The following MPPED2 variants were observed in gnomAD, a reference collection of about 807,000 sequenced individuals.
MPPED2 encodes the protein metallophosphoesterase MPPED2.
A neutral mutation model predicts 33.0 loss-of-function variants in MPPED2; 5 were observed. The observed-to-expected ratio is 0.15, with a 90% CI of 0.08 to 0.32. The LOEUF (loss-of-function observed/expected upper bound fraction) is 0.32, where lower values mean the gene tolerates loss of function less well. Among genes scored for constraint, MPPED2 ranks in the 10% least tolerant of loss-of-function variants. MPPED2 has a pLI of 1.00. For synonymous variants in MPPED2, 136 were observed against 141.9 expected (o/e 0.96, Z 0.29); for missense variants, 275 against 372.1 (o/e 0.74, Z 2.15).
At chr11:30,447,057 G>T (rs978494459) in intron 4 of MPPED2, among the ~76,000 whole-genome samples, 1 of 152,168 alleles carries the variant, frequency 6.6e-6, no homozygotes, top group Non-Finnish European at 1.5e-5. Flanking sequence ...AACATTAAAA[G>T]AACATTAGAT....
intron 1 of MPPED2, among the ~76,000 whole-genome samples, chr11:30,582,389 G>A (rs1027642798): frequency 3.3e-5 from 5 of 152,178 alleles, no homozygotes; most frequent in Non-Finnish European, 4.4e-5. Flanking sequence ...TTAGAGAGTG[G>A]TGTAAAAATT....
intron 2 of MPPED2, among the ~76,000 whole-genome samples, chr11:30,579,466 T>C (rs1217220205): frequency 6.6e-6 from 1 of 152,128 alleles, no homozygotes; most frequent in Non-Finnish European, 1.5e-5. Context: ...GATGGTGACC[T>C]TTTGCTCCCT....
At chr11:30,416,940 T>C (rs939996198) in intron 5 of MPPED2, among the ~76,000 whole-genome samples, 2 of 152,178 alleles carry the variant, frequency 1.3e-5, no homozygotes, top group African/African-American at 4.8e-5. Context: ...ACAGACAATA[T>C]AAATCTGGAT....
At chr11:30,465,500 T>G (rs970695767) in intron 4 of MPPED2, among the ~76,000 whole-genome samples, 1 of 152,212 alleles carries the variant, frequency 6.6e-6, no homozygotes, top group African/African-American at 2.4e-5. Flanking sequence ...CCATGTTGCA[T>G]AGTCTGGTCT....
chr11:30,460,686 A>G (rs1354644350), intron 4 of MPPED2, among the ~76,000 whole-genome samples: 3 of 152,218 alleles, frequency 2.0e-5, no homozygotes, highest in Non-Finnish European at 4.4e-5. Context: ...TAAATTAAGA[A>G]AAGAATCAGA....
chr11:30,584,465 C>G (rs1472117368), intron 1 of MPPED2: 1 of 153,210 alleles, frequency 6.5e-6, no homozygotes, highest in African/African-American at 2.4e-5. Flanking sequence ...CAGCGCCTTA[C>G]TCGCTCAGTC....
intron 2 of MPPED2, among the ~76,000 whole-genome samples, chr11:30,564,349 G>A (rs917994585): frequency 5.9e-5 from 9 of 152,182 alleles, no homozygotes; most frequent in African/African-American, 1.9e-4. Flanking sequence ...TGATCATGAC[G>A]ATAACACCAA....
chr11:30,499,496 G>A (rs1952456337), intron 3 of MPPED2, among the ~76,000 whole-genome samples: 1 of 152,126 alleles, frequency 6.6e-6, no homozygotes, highest in Non-Finnish European at 1.5e-5. Context: ...TGTTCAATTT[G>A]CAAATTGGCC....
At chr11:30,448,040 C>G (rs1590308722) in intron 4 of MPPED2, among the ~76,000 whole-genome samples, 1 of 152,116 alleles carries the variant, frequency 6.6e-6, no homozygotes, top group Non-Finnish European at 1.5e-5. Flanking sequence ...CAGAGAGAAG[C>G]CCTGGCTTAA....
intron 4 of MPPED2, among the ~76,000 whole-genome samples, chr11:30,441,812 A>G (rs1343933714): frequency 2.0e-5 from 3 of 151,958 alleles, no homozygotes; most frequent in Admixed American, 2.0e-4. Context: ...CACAGTTGTC[A>G]CAGCCCATTC....
chr11:30,574,729 C>T lies in MPPED2; in HGVS notation c.128+5517G>A, dbSNP rs142788573. On this transcript the variant is annotated intron_variant, in intron 2 of 6. Transcript: ENST00000358117. Reference sequence around the variant, plus strand: ...GATCAAGACTTTAAAGCAAATATTACAGGCCAGGCATAAGGACTTGGAGAC... The same window carrying T: ...GATCAAGACTTTAAAGCAAATATTATAGGCCAGGCATAAGGACTTGGAGAC... 3.3e-5 allele frequency among the ~76,000 whole-genome samples: 5 copies of T among 152,260 alleles called. 1 individual carries two copies. The East Asian group carries it at 7.7e-4, about 23-fold the overall frequency.
At chr11:30,549,067 G>C (rs1314548163) in intron 2 of MPPED2, among the ~76,000 whole-genome samples, 1 of 152,150 alleles carries the variant, frequency 6.6e-6, no homozygotes, top group African/African-American at 2.4e-5. Flanking sequence ...AAAAAAATAT[G>C]AGTTCAAAGT....
At chr11:30,472,381 A>C (rs1186633878) in intron 4 of MPPED2, among the ~76,000 whole-genome samples, 1 of 151,984 alleles carries the variant, frequency 6.6e-6, no homozygotes, top group Non-Finnish European at 1.5e-5. Flanking sequence ...AATAATAATA[A>C]TAATTAAGCA....
chr11:30,576,352 A>T (rs1175733085), intron 2 of MPPED2, among the ~76,000 whole-genome samples: 1 of 152,190 alleles, frequency 6.6e-6, no homozygotes, highest in Non-Finnish European at 1.5e-5. Context: ...GCAGTGTAAG[A>T]TTCAAGGGGT....
intron 2 of MPPED2, among the ~76,000 whole-genome samples, chr11:30,536,730 T>G (rs1245232149): frequency 6.6e-6 from 1 of 151,860 alleles, no homozygotes; most frequent in Admixed American, 6.6e-5. Context: ...TTTTTGCTAT[T>G]CACAAATCAA....
intron 4 of MPPED2, among the ~76,000 whole-genome samples, chr11:30,443,603 T>C (rs75760065): frequency 1.3e-3 from 193 of 152,248 alleles, no homozygotes; most frequent in African/African-American, 4.5e-3. Flanking sequence ...AATTGGAAAG[T>C]ATCCAGATTG....
chr11:30,573,213 G>A (rs781064087), intron 2 of MPPED2, among the ~76,000 whole-genome samples: 2 of 152,104 alleles, frequency 1.3e-5, no homozygotes, highest in Non-Finnish European at 2.9e-5. Flanking sequence ...ATCGCCTAAT[G>A]ACATTAGCTG....
intron 3 of MPPED2, among the ~76,000 whole-genome samples, chr11:30,508,188 T>C (rs1952944577): frequency 6.6e-6 from 1 of 152,218 alleles, no homozygotes; most frequent in African/African-American, 2.4e-5. Context: ...GAGAGCATAC[T>C]CTGTCTGCTG....
chr11:30,558,212 A>T (rs1956075458), intron 2 of MPPED2, among the ~76,000 whole-genome samples: 1 of 152,152 alleles, frequency 6.6e-6, no homozygotes, highest in African/African-American at 2.4e-5. Flanking sequence ...ATTAAAAAGA[A>T]AGAAAAGTCT....
Sources: allele counts gnomAD v4.1 joint callset (sites outside exome capture counted in the v4.1 genomes callset), GRCh38; gene constraint gnomAD v4.1.1; transcripts MANE v1.5; gene names NCBI Gene and HGNC (gene_info 2026-07-23, HGNC 2026-07-21).